Variants in FAM110A observed in about 807,000 individuals in gnomAD.
FAM110A encodes the protein family with sequence similarity 110 member A.
A neutral mutation model predicts 4.0 loss-of-function variants in FAM110A; 1 was observed. That is an observed-to-expected ratio of 0.25 (90% CI 0.09 to 1.20). The LOEUF is 1.20. Among genes scored for constraint, FAM110A ranks in the 50% most tolerant of loss-of-function variants. The probability of loss-of-function intolerance (pLI) is 0.50; values close to 1 mark genes in which losing one functional copy is unlikely to be tolerated. For missense variants in FAM110A, 436 were observed against 429.2 expected (o/e 1.02, Z -0.14); for synonymous variants, 217 against 196.8 (o/e 1.10, Z -0.86).
chr20:845,689 C>A lies in FAM110A; in HGVS notation c.885C>A (p.Gly295=), dbSNP rs757323332. The part of the protein sequence containing the change: ...RQARESPAAE[G] ...CTCGGGAGAGCCCAGCAGCTGAAGG[C>A]TAGGCGCCACTGGGCCTGGAATTCG... Residue 295 remains glycine (G), a synonymous_variant, in exon 2 of 2, where the codon GGC becomes GGA. Coordinates refer to ENST00000381941, the MANE Select transcript of FAM110A (RefSeq NM_001042353.3). The A allele has an allele frequency of 1.8e-5, 29 of 1,613,834 alleles. No individual in the cohort carries two copies. The highest frequency in any genetic ancestry group is 2.4e-5 in the Non-Finnish European group (28 of 1,180,020).
rs1260016493 is a variant in FAM110A at position 840,928 on chromosome 20, C to T, written c.-97-3780C>T. ...ACCCGATACCAAGAAAAACACTTTC[C>T]CGTGCCTGGCACAGTGAACATCACC... On this transcript the variant is annotated intron_variant, in intron 1 of 1. Transcript: ENST00000381941. This position sits in a 1 kb window ranked among gnomAD's most constrained non-coding sequence, Gnocchi z 4.4. 6.6e-6 allele frequency among the ~76,000 whole-genome samples: 1 copy of T among 152,120 alleles called. No homozygotes were observed. Among genetic ancestry groups the T allele is most frequent in the Non-Finnish European group, 1.5e-5 (1 of 68,012 alleles).
At position 844,945 on chromosome 20, in the gene FAM110A, G is replaced by T; in HGVS notation, c.141G>T (p.Glu47Asp). The T allele has an allele frequency of 6.3e-7, 1 of 1,588,998 alleles. No homozygotes were observed. Among genetic ancestry groups the T allele is most frequent in the Non-Finnish European group, 8.6e-7 (1 of 1,168,620 alleles). Residue 47 changes from glutamate (E) to aspartate (D), a missense_variant, in exon 2 of 2, where the codon GAG becomes GAT. By Grantham distance (45) the Glu-to-Asp change is conservative. Coordinates refer to ENST00000381941, the MANE Select transcript of FAM110A (RefSeq NM_001042353.3). Reference sequence around the variant, plus strand: ...AACCGAGCGCTGTGGAGCGCCTGGAGGCCGACAAGGCCAAGTACGTCAAGA... The same window carrying T: ...AACCGAGCGCTGTGGAGCGCCTGGATGCCGACAAGGCCAAGTACGTCAAGA... The part of the protein sequence containing the change: ...ARKPSAVERL[E>D]ADKAKYVKSL...
At chr20:842,447 G>C (rs956359252) in intron 1 of FAM110A, among the ~76,000 whole-genome samples, 2 of 152,218 alleles carry the variant, frequency 1.3e-5, no homozygotes, top group African/African-American at 2.4e-5. Flanking sequence ...GTGGCGGCCT[G>C]GGGGTGGGGC....
chr20:844,653 C>T (rs541280903), intron 1 of FAM110A, 55 bp from the exon 2 acceptor site: 1 of 1,269,486 alleles, frequency 7.9e-7, no homozygotes, highest in East Asian at 3.0e-5. Flanking sequence ...GCGGCTGAGC[C>T]TCTTTGTCTG....
At chr20:842,332 G>A (rs1979975091) in intron 1 of FAM110A, among the ~76,000 whole-genome samples, 1 of 152,286 alleles carries the variant, frequency 6.6e-6, no homozygotes, top group South Asian at 2.1e-4. Context: ...GGTCGTGCAC[G>A]GGGTTTCTGC....
chr20:839,491 A>G lies in FAM110A; in HGVS notation c.-97-5217A>G, dbSNP rs986064086. The G allele has an allele frequency of 3.1e-6, 3 of 958,196 alleles. No homozygotes were observed. The African/African-American group carries it at 4.8e-5, about 15-fold the overall frequency. 59.4% of individuals were successfully genotyped at this position (958,196 alleles called of 1,614,324 possible). A position where few individuals can be genotyped will look rare whatever the true frequency, so the allele number is the denominator to read the frequency against. On this transcript the variant is annotated intron_variant, in intron 1 of 1. Coordinates refer to ENST00000381941, the MANE Select transcript of FAM110A (RefSeq NM_001042353.3). ...CGTCCACGACCACATCTGCCTCTAA[A>G]CTGGAATTCGGTTGCTGACCCAGCC...
rs1304783043 is a variant in FAM110A, at chr20:840,586, C to T, written c.-97-4122C>T. 7.2e-5 allele frequency among the ~76,000 whole-genome samples: 11 copies of T among 152,096 alleles called. No individual in the cohort carries two copies. Among genetic ancestry groups the T allele is most frequent in the Admixed American group, 4.6e-4 (7 of 15,270 alleles). ...CCCAAAATTCTAGTTATTGTTGTTA[C>T]TATGACGGCTGTTGTTGCCGATGTT... On this transcript the variant is annotated intron_variant, in intron 1 of 1. Coordinates refer to ENST00000381941, the MANE Select transcript of FAM110A (RefSeq NM_001042353.3). This position sits in a 1 kb window ranked among gnomAD's most constrained non-coding sequence, Gnocchi z 4.4.
rs1046366608 is a variant in FAM110A at position 844,893 on chromosome 20, G to A, written c.89G>A (p.Arg30Gln). ...LRTRVPGYLLRGPADGGARKP... is the reference protein window; with the variant it reads ...LRTRVPGYLLQGPADGGARKP... ...ACCAGGGTCCCTGGCTACCTGCTAC[G>A]GGGGCCGGCAGATGGTGGAGCCCGG... The change falls in exon 2 of 2, where the codon CGG (arginine) becomes CAG (glutamine). Residue 30 changes from arginine to glutamine, a missense_variant. Arg to Gln is a conservative substitution (Grantham distance 43). Transcript: ENST00000381941. 2 of 1,555,386 alleles carry A rather than the reference G, an allele frequency of 1.3e-6. No homozygotes were observed. Among genetic ancestry groups the A allele is most frequent in the African/African-American group, 1.4e-5 (1 of 73,128 alleles).
chr20:834,247 C>A lies in FAM110A; in HGVS notation c.-98+296C>A, dbSNP rs575659784. 5.9e-5 allele frequency among the ~76,000 whole-genome samples: 9 copies of A among 152,320 alleles called. No homozygotes were observed. The highest frequency in any genetic ancestry group is 2.1e-4 in the South Asian group (1 of 4,822). ...TTTTATCGGCAGGGACCTGTAGACCCCTGGCTGGATCACATATCCCCGCGC... is the reference window on the plus strand; with the variant it reads ...TTTTATCGGCAGGGACCTGTAGACCACTGGCTGGATCACATATCCCCGCGC... On this transcript the variant is annotated intron_variant, in intron 1 of 1. Transcript: ENST00000381941. The surrounding 1 kb of genome is among the most constrained non-coding windows in gnomAD (Gnocchi z 5.6).
Position 834,529 on chromosome 20 carries a change from G to A in FAM110A, c.-98+578G>A, listed in dbSNP as rs1437270189. On this transcript the variant is annotated intron_variant, in intron 1 of 1. Transcript: ENST00000381941. The surrounding 1 kb of genome is among the most constrained non-coding windows in gnomAD (Gnocchi z 5.6). Reference sequence around the variant, plus strand: ...GCCAGTCCCTAAACCAAAGCCACTAGTCACCAGAGACTTTGGAATTGGGAG... The same window carrying A: ...GCCAGTCCCTAAACCAAAGCCACTAATCACCAGAGACTTTGGAATTGGGAG... 6.6e-6 allele frequency among the ~76,000 whole-genome samples: 1 copy of A among 152,240 alleles called. No homozygotes were observed. The highest frequency in any genetic ancestry group is 2.4e-5 in the African/African-American group (1 of 41,476).
chr20:843,150 G>T (rs887836835), intron 1 of FAM110A, among the ~76,000 whole-genome samples: 1 of 152,152 alleles, frequency 6.6e-6, no homozygotes, highest in South Asian at 2.1e-4. Context: ...GAAACAGGAC[G>T]TGGTATTGAG....
rs1193403569 is a variant in FAM110A, at chr20:844,758, A to G, written c.-47A>G. ...TTTCTGCCCGGATCTCTGGCTCCTCATCTCTCCGGTCTCCGCAGACTAAAG... is the reference window on the plus strand; with the variant it reads ...TTTCTGCCCGGATCTCTGGCTCCTCGTCTCTCCGGTCTCCGCAGACTAAAG... On this transcript the variant is annotated 5_prime_UTR_variant, in exon 2 of 2. Transcript: ENST00000381941. 2 of 1,353,778 alleles carry G rather than the reference A, an allele frequency of 1.5e-6. No homozygotes were observed. The highest frequency in any genetic ancestry group is 3.0e-5 in the East Asian group (1 of 33,852). The allele number at this position is 1,353,778 out of a possible 1,614,324, so 83.9% of individuals were successfully genotyped here. A position where few individuals can be genotyped will look rare whatever the true frequency, so the allele number is the denominator to read the frequency against.
Position 844,747 on chromosome 20 carries a change from T to C in FAM110A, c.-58T>C. ...CAGCTGCCTACTTTCTGCCCGGATC[T>C]CTGGCTCCTCATCTCTCCGGTCTCC... is the stretch of plus-strand genomic sequence containing the variant. On this transcript the variant is annotated 5_prime_UTR_variant, in exon 2 of 2. Transcript: ENST00000381941. The C allele has an allele frequency of 7.4e-7, 1 of 1,357,912 alleles. No individual in the cohort carries two copies. The highest frequency in any genetic ancestry group is 9.4e-7 in the Non-Finnish European group (1 of 1,060,568). The allele number at this position is 1,357,912 out of a possible 1,614,324, so 84.1% of individuals were successfully genotyped here.
In FAM110A at chr20:837,053, T is replaced by TTG. The variant is rs769398639; in HGVS notation, c.-98+3103_-98+3104insGT. Among the ~76,000 whole-genome samples, 945 of 141,688 alleles carry TTG rather than the reference T, an allele frequency of 6.7e-3. 18 individuals carry two copies. Among genetic ancestry groups the TTG allele is most frequent in the East Asian group, 0.057 (286 of 5,050 alleles). 93.0% of individuals were successfully genotyped at this position (141,688 alleles called of 152,430 possible). A position where few individuals can be genotyped will look rare whatever the true frequency, so the allele number is the denominator to read the frequency against. ...TCAAGTGACTCTGCATTGTTTTTTTTTTTTTTTTTTTTTTTTGAGACAAGA... is the reference window on the plus strand; with the variant it reads ...TCAAGTGACTCTGCATTGTTTTTTTTTGTTTTTTTTTTTTTTTTGAGACAAGA... On this transcript the variant is annotated intron_variant, in intron 1 of 1. Transcript: ENST00000381941.
rs757995617 is a variant in FAM110A, at chr20:835,200, C to CTCTCTA, written c.-98+1250_-98+1251insCTCTAT. Among the ~76,000 whole-genome samples the CTCTCTA allele has an allele frequency of 2.8e-3, 387 of 140,528 alleles. 1 individual carries two copies. The highest frequency in any genetic ancestry group is 5.4e-3 in the Admixed American group (74 of 13,698). 92.2% of individuals were successfully genotyped at this position (140,528 alleles called of 152,430 possible). A position where few individuals can be genotyped will look rare whatever the true frequency, so the allele number is the denominator to read the frequency against. The stretch of plus-strand genomic sequence containing the variant: ...TCTCTCTCTCTCTCTCTCTCTCTCT[C>CTCTCTA]TATATATATATATACACACACACAT... On this transcript the variant is annotated intron_variant, in intron 1 of 1. Coordinates refer to ENST00000381941, the MANE Select transcript of FAM110A (RefSeq NM_001042353.3).
chr20:845,782 G>T lies in FAM110A; in HGVS notation c.*90G>T, dbSNP rs1196550720. 2 of 1,548,226 alleles carry T rather than the reference G, an allele frequency of 1.3e-6. No homozygotes were observed. The highest frequency in any genetic ancestry group is 4.6e-5 in the East Asian group (2 of 43,404). On this transcript the variant is annotated 3_prime_UTR_variant, in exon 2 of 2. Coordinates refer to ENST00000381941, the MANE Select transcript of FAM110A (RefSeq NM_001042353.3). ...TCTTGCATCCATTCTCTAGACGGCC[G>T]TGTCAGAGGCTCCACCCTGTTGTGA...
In FAM110A at chr20:844,696, C is replaced by A; in HGVS notation, c.-97-12C>A. 1 of 1,280,214 alleles carries A rather than the reference C, an allele frequency of 7.8e-7. No individual in the cohort carries two copies. Among genetic ancestry groups the A allele is most frequent in the Non-Finnish European group, 9.9e-7 (1 of 1,009,336 alleles). The allele number at this position is 1,280,214 out of a possible 1,614,324, so 79.3% of individuals were successfully genotyped here. ...TCGGCTTTTTTTTTTTTTTCTCTCTCCTTCCCTGCAGCAGTGGCCGGTGTC... is the reference window on the plus strand; with the variant it reads ...TCGGCTTTTTTTTTTTTTTCTCTCTACTTCCCTGCAGCAGTGGCCGGTGTC... On this transcript the variant is annotated splice_polypyrimidine_tract_variant and intron_variant, in intron 1 of 1. Transcript: ENST00000381941.
At chr20:838,754 A>G (rs1468449036) in intron 1 of FAM110A, among the ~76,000 whole-genome samples, 1 of 151,960 alleles carries the variant, frequency 6.6e-6, no homozygotes, top group Admixed American at 6.6e-5. Context: ...GGTTGGAGAT[A>G]AGATGGGAGA....
chr20:840,294 C>T lies in FAM110A; in HGVS notation c.-97-4414C>T, dbSNP rs990462771. ...TGTACCCTAGTCCTGGCCCAGCTCC[C>T]ACAGGCACAGACATGGAACAGGAGC... is the stretch of plus-strand genomic sequence containing the variant. On this transcript the variant is annotated intron_variant, in intron 1 of 1. Transcript: ENST00000381941. This position sits in a 1 kb window ranked among gnomAD's most constrained non-coding sequence, Gnocchi z 4.4. 1.3e-5 allele frequency among the ~76,000 whole-genome samples: 2 copies of T among 152,100 alleles called. No homozygotes were observed. The highest frequency in any genetic ancestry group is 4.8e-5 in the African/African-American group (2 of 41,420).
Sources: allele counts gnomAD v4.1 joint callset (sites outside exome capture counted in the v4.1 genomes callset), GRCh38; gene constraint gnomAD v4.1.1; non-coding constraint Gnocchi (gnomAD v3.1); transcripts MANE v1.5; gene names NCBI Gene and HGNC (gene_info 2026-07-23, HGNC 2026-07-21).